Variants in RBFOX1 observed in about 807,000 individuals in gnomAD.
The protein encoded by RBFOX1 is RNA binding protein fox-1 homolog 1.
A neutral mutation model predicts 57.7 loss-of-function variants in RBFOX1; 8 were observed. The observed-to-expected ratio is 0.14, with a 90% confidence interval of 0.08 to 0.25. RBFOX1 has a LOEUF of 0.25. RBFOX1 is among the 10% of genes least tolerant of loss of function. The pLI, the probability that RBFOX1 is intolerant of heterozygous loss-of-function variation, is 1.00. For synonymous variants in RBFOX1, 326 were observed against 222.4 expected (o/e 1.47, Z -4.15); for missense variants, 611 against 548.5 (o/e 1.11, Z -1.14).
In RBFOX1 at chr16:7,020,567, A is replaced by G. The variant is rs538679375; in HGVS notation, c.-15-31490A>G. ...AATGTTTATGAAAATTAAATAAAAT[A>G]AGGAATCTAGGTCAATATCTGTGTT... On this transcript the variant is annotated intron_variant, in intron 3 of 15. Transcript: ENST00000550418. 9.7e-4 allele frequency among the ~76,000 whole-genome samples: 147 copies of G among 152,322 alleles called. 2 individuals are homozygous for G. The highest frequency in any genetic ancestry group is 3.4e-3 in the African/African-American group (143 of 41,580).
At chr16:6,739,764 C>A (rs199890046) in intron 3 of RBFOX1, among the ~76,000 whole-genome samples, 1 of 152,070 alleles carries the variant, frequency 6.6e-6, no homozygotes, top group South Asian at 2.1e-4. Flanking sequence ...GTAGTCTCGG[C>A]TCCTCGGGAG....
chr16:6,374,868 A>G, intron 2 of RBFOX1, among the ~76,000 whole-genome samples: 1 of 152,224 alleles, frequency 6.6e-6, no homozygotes, highest in African/African-American at 2.4e-5. Flanking sequence ...TGAGTGAAAT[A>G]AAGATTTCTT....
In RBFOX1 at chr16:6,806,232, A is replaced by C. The variant is rs112727248; in HGVS notation, c.-16+151582A>C. Among the ~76,000 whole-genome samples the C allele has an allele frequency of 1.3e-5, 2 of 152,206 alleles. 1 individual carries two copies. Among genetic ancestry groups the C allele is most frequent in the South Asian group, 4.1e-4 (2 of 4,832 alleles). Reference sequence around the variant, plus strand: ...ATTAATTGGATGTTGTTCTATAGCCAGTATTTGTTTTAGAGATTTTTATGA... The same window carrying C: ...ATTAATTGGATGTTGTTCTATAGCCCGTATTTGTTTTAGAGATTTTTATGA... On this transcript the variant is annotated intron_variant, in intron 3 of 15. Transcript: ENST00000550418.
intron 4 of RBFOX1, among the ~76,000 whole-genome samples, chr16:7,267,753 G>C (rs1603462187): frequency 6.6e-6 from 1 of 152,092 alleles, no homozygotes; most frequent in Admixed American, 6.6e-5. Flanking sequence ...CTACTTGGGA[G>C]GCTGAGGTGG....
At chr16:6,435,226 C>T (rs979204036) in intron 2 of RBFOX1, among the ~76,000 whole-genome samples, 2 of 152,078 alleles carry the variant, frequency 1.3e-5, no homozygotes, top group Non-Finnish European at 2.9e-5. Flanking sequence ...CACCAATTAG[C>T]AAACTGTTGT....
intron 4 of RBFOX1, among the ~76,000 whole-genome samples, chr16:7,433,836 C>T (rs897547158): frequency 1.3e-5 from 2 of 152,158 alleles, no homozygotes; most frequent in African/African-American, 4.8e-5. Flanking sequence ...TATTTAACAC[C>T]TGTGTGTGCC....
intron 3 of RBFOX1, among the ~76,000 whole-genome samples, chr16:5,716,572 T>G (rs2051708917): frequency 6.6e-6 from 1 of 152,026 alleles, no homozygotes; most frequent in Non-Finnish European, 1.5e-5. Context: ...GTGGGCGAGG[T>G]TTGGAGAAAA....
intron 14 of RBFOX1, among the ~76,000 whole-genome samples, chr16:7,683,468 G>C (rs2075367948): frequency 6.6e-6 from 1 of 151,958 alleles, no homozygotes; most frequent in Admixed American, 6.6e-5. Flanking sequence ...AATTGAATCA[G>C]TTTAAAAAAA....
chr16:7,697,029 G>A (rs995148349), intron 14 of RBFOX1, among the ~76,000 whole-genome samples: 1 of 152,184 alleles, frequency 6.6e-6, no homozygotes, highest in Non-Finnish European at 1.5e-5. Context: ...GGAGGCTGCA[G>A]AACATATTTG....
intron 1 of RBFOX1, among the ~76,000 whole-genome samples, chr16:5,307,900 G>C (rs966676377): frequency 6.6e-6 from 1 of 152,152 alleles, no homozygotes; most frequent in Non-Finnish European, 1.5e-5. Flanking sequence ...CTGGTCTTGA[G>C]ATCCAGGCCT....
At position 6,423,116 on chromosome 16, in the gene RBFOX1, C is replaced by G. The variant is rs139496990; in HGVS notation, c.-64+106059C>G. On this transcript the variant is annotated intron_variant, in intron 2 of 15. Transcript: ENST00000550418. ...ACAATTGTGAACAGTGCAGAACTCT[C>G]CTTTCATCATTGTTTTTCCTCCCAG... Among the ~76,000 whole-genome samples the G allele has an allele frequency of 6.6e-5, 10 of 152,310 alleles. No homozygotes were observed. In the East Asian group the frequency reaches 1.2e-3, roughly 18 times the overall value.
Position 6,244,330 on chromosome 16 carries a change from C to T in RBFOX1, c.-126-72665C>T, listed in dbSNP as rs139474824. ...GCCTTTGGACATCTGCTCAACCCAG[C>T]CTTCAAATCTCAGTGTCTCACTCAC... On this transcript the variant is annotated intron_variant, in intron 1 of 15. Coordinates refer to ENST00000550418, the MANE Select transcript of RBFOX1 (RefSeq NM_018723.4). Among the ~76,000 whole-genome samples, 140 of 152,184 alleles carry T rather than the reference C, an allele frequency of 9.2e-4. 1 individual carries two copies. Among genetic ancestry groups the T allele is most frequent in the Middle Eastern group, 3.4e-3 (1 of 294 alleles).
chr16:5,499,406 C>G (rs2043112020), intron 2 of RBFOX1, among the ~76,000 whole-genome samples: 1 of 152,144 alleles, frequency 6.6e-6, no homozygotes, highest in African/African-American at 2.4e-5. Flanking sequence ...CCAATCCTGA[C>G]CCACCTTTCA....
intron 4 of RBFOX1, among the ~76,000 whole-genome samples, chr16:7,268,483 G>T (rs2095233829): frequency 6.6e-6 from 1 of 152,194 alleles, no homozygotes; most frequent in African/African-American, 2.4e-5. Context: ...AGGAGTGCCT[G>T]ACACTCCTTT....
intron 4 of RBFOX1, among the ~76,000 whole-genome samples, chr16:7,262,990 G>C (rs752383710): frequency 1.3e-5 from 2 of 152,178 alleles, no homozygotes; most frequent in Non-Finnish European, 2.9e-5. Context: ...GTGTTAGAGG[G>C]TGATAGGAAA....
At chr16:6,408,078 A>G (rs957547754) in intron 2 of RBFOX1, among the ~76,000 whole-genome samples, 5 of 152,118 alleles carry the variant, frequency 3.3e-5, no homozygotes, top group Non-Finnish European at 7.4e-5. Context: ...GGCACCATCT[A>G]TAAGAAATGG....
chr16:5,962,469 T>C (rs898374229), intron 4 of RBFOX1, among the ~76,000 whole-genome samples: 4 of 152,224 alleles, frequency 2.6e-5, no homozygotes, highest in East Asian at 3.8e-4. Flanking sequence ...TCCCATTATG[T>C]GGCATGCCTT....
chr16:7,531,300 G>A (rs542730384), intron 5 of RBFOX1, among the ~76,000 whole-genome samples: 46 of 152,254 alleles, frequency 3.0e-4, no homozygotes, highest in Admixed American at 1.7e-3. Context: ...AGGAAGCAGC[G>A]ATCATTTATG....
intron 1 of RBFOX1, among the ~76,000 whole-genome samples, chr16:6,107,835 A>C (rs993456778): frequency 3.3e-5 from 5 of 152,112 alleles, no homozygotes. Context: ...TACTTTGAGC[A>C]CTGAGAAGGA....
Sources: gnomAD v4.1 joint callset for allele counts (sites outside exome capture counted in the v4.1 genomes callset) on GRCh38, gnomAD v4.1.1 for gene constraint, MANE v1.5 for transcripts, NCBI Gene and HGNC (gene_info 2026-07-23, HGNC 2026-07-21) for gene names.